KIF27: variants seen among roughly 807,000 people sequenced by gnomAD.
The protein encoded by KIF27 is kinesin-like protein KIF27.
Under a neutral mutation model 141.8 loss-of-function variants are expected in KIF27, and 84 were observed. The ratio of observed to expected loss-of-function variants is 0.59; its 90% CI spans 0.50 to 0.71. The LOEUF (loss-of-function observed/expected upper bound fraction) is 0.71. Among genes scored for constraint, KIF27 ranks in the 30% least tolerant of loss-of-function variants. The pLI, the probability that KIF27 is intolerant of heterozygous loss-of-function variation, is 0.00. For missense variants in KIF27, 1,306 were observed against 1,628.4 expected (o/e 0.80, Z 3.41); for synonymous variants, 471 against 569.5 (o/e 0.83, Z 2.46).
At chr9:83,882,737 C>T (rs1048852692) in intron 10 of KIF27, among the ~76,000 whole-genome samples, 1 of 152,126 alleles carries the variant, frequency 6.6e-6, no homozygotes, top group Non-Finnish European at 1.5e-5. Flanking sequence ...AAAGGATATA[C>T]AGCAGGAAGC....
At chr9:83,906,832 A>C (rs1954597634) in intron 3 of KIF27, among the ~76,000 whole-genome samples, 1 of 151,974 alleles carries the variant, frequency 6.6e-6, no homozygotes, top group Admixed American at 6.6e-5. Flanking sequence ...CCAACAATGG[A>C]ATATTAAATA....
intron 6 of KIF27, among the ~76,000 whole-genome samples, chr9:83,890,783 A>T (rs1264210733): frequency 6.6e-6 from 1 of 152,264 alleles, no homozygotes; most frequent in Admixed American, 6.5e-5. Flanking sequence ...CGTCTTTTCC[A>T]TAATAGAGAT....
intron 17 of KIF27, among the ~76,000 whole-genome samples, chr9:83,840,385 A>T (rs938397704): frequency 7.2e-5 from 11 of 152,146 alleles, no homozygotes; most frequent in African/African-American, 2.7e-4. Context: ...CCTTGGGTAA[A>T]CTGGTCAGAA....
chr9:83,908,422 G>A, intron 3 of KIF27, 30 bp downstream of exon 3: 1 of 1,377,588 alleles, frequency 7.3e-7, no homozygotes, highest in Non-Finnish European at 1.0e-6. Flanking sequence ...GTTTGCTAAT[G>A]AAGGCAACTG....
intron 13 of KIF27, among the ~76,000 whole-genome samples, chr9:83,861,173 C>CTTT (rs1326461333): frequency 2.9e-4 from 42 of 147,290 alleles, no homozygotes; most frequent in African/African-American, 1.0e-3. Context: ...CCTTGATGGG[C>CTTT]TATTTCTTTA....
intron 2 of KIF27, among the ~76,000 whole-genome samples, chr9:83,912,861 T>C (rs548850828): frequency 5.3e-4 from 80 of 152,192 alleles, no homozygotes; most frequent in South Asian, 1.5e-3. Flanking sequence ...ATAAGCATCA[T>C]ATTTAAAAAT....
chr9:83,836,692 T>C lies in KIF27; in HGVS notation c.*309A>G, dbSNP rs1381154555. On this transcript the variant is annotated 3_prime_UTR_variant, in exon 18 of 18. Transcript: ENST00000297814. The stretch of plus-strand genomic sequence containing the variant: ...ATATTATATAATAATACATACTTGA[T>C]AGATATTTTAGTCTATTACTAGTTT... The C allele has an allele frequency of 8.4e-6, 2 of 236,716 alleles. No individual in the cohort carries two copies. The highest frequency in any genetic ancestry group is 4.6e-5 in the African/African-American group (2 of 43,470). 14.7% of individuals were successfully genotyped at this position (236,716 alleles called of 1,614,324 possible).
At position 83,848,161 on chromosome 9, in the gene KIF27, TG is replaced by T. The variant is rs1947745763; in HGVS notation, c.3556+1937del. Among the ~76,000 whole-genome samples the T allele has an allele frequency of 4.8e-5, 2 of 41,994 alleles. 1 individual carries two copies. The highest frequency in any genetic ancestry group is 7.8e-5 in the Non-Finnish European group (2 of 25,696). The allele number at this position is 41,994 out of a possible 152,430, so 27.5% of individuals were successfully genotyped here. ...TATGATATATCTGATATATCATATA[TG>T]ATATATCTGATATATCATATATGAT... On this transcript the variant is annotated intron_variant, in intron 16 of 17. Coordinates refer to ENST00000297814, the MANE Select transcript of KIF27 (RefSeq NM_017576.4).
intron 17 of KIF27, 30 bp from the exon 18 acceptor site, chr9:83,837,515 G>A: frequency 1.9e-6 from 3 of 1,551,162 alleles, no homozygotes; most frequent in Non-Finnish European, 2.6e-6. Flanking sequence ...CAAAAAATTA[G>A]ATACTATTTC....
intron 9 of KIF27, among the ~76,000 whole-genome samples, chr9:83,885,532 C>G (rs1952024309): frequency 6.6e-6 from 1 of 152,144 alleles, no homozygotes; most frequent in Non-Finnish European, 1.5e-5. Context: ...AAAATACATA[C>G]AACTACTATA....
At chr9:83,855,920 G>A (rs899371803) in intron 14 of KIF27, among the ~76,000 whole-genome samples, 3 of 152,204 alleles carry the variant, frequency 2.0e-5, no homozygotes, top group Non-Finnish European at 2.9e-5. Flanking sequence ...AAGGTAGTGT[G>A]AATATAGAAA....
intron 10 of KIF27, among the ~76,000 whole-genome samples, chr9:83,881,584 A>G (rs544536889): frequency 1.1e-4 from 16 of 152,316 alleles, no homozygotes; most frequent in African/African-American, 3.8e-4. Context: ...TTCATGTGAG[A>G]CTTTTTTGAT....
At chr9:83,902,310 C>A (rs1179177815) in intron 4 of KIF27, among the ~76,000 whole-genome samples, 2 of 152,176 alleles carry the variant, frequency 1.3e-5, no homozygotes, top group Admixed American at 1.3e-4. Flanking sequence ...AAGCTGGGAA[C>A]CATGTTGTCT....
Position 83,837,382 on chromosome 9 carries a change from T to C in KIF27, c.3825A>G (p.Arg1275=). The change falls in exon 18 of 18, where the codon AGA becomes AGG. Residue 1275 remains arginine (R), a synonymous_variant. Coordinates refer to ENST00000297814, the MANE Select transcript of KIF27 (RefSeq NM_017576.4). The part of the protein sequence containing the change: ...SRPESMKLSG[R]EREMDSSASS... Reference sequence around the variant, plus strand: ...TTGCTGAACTGTCCATTTCTCTTTCTCTTCCACTTAATTTCATACTTTCAG... The same window carrying C: ...TTGCTGAACTGTCCATTTCTCTTTCCCTTCCACTTAATTTCATACTTTCAG... 2 of 1,610,114 alleles carry C rather than the reference T, an allele frequency of 1.2e-6. No individual in the cohort carries two copies. Among genetic ancestry groups the C allele is most frequent in the Non-Finnish European group, 1.7e-6 (2 of 1,177,026 alleles).
At chr9:83,912,878 A>G (rs1445523776) in intron 2 of KIF27, among the ~76,000 whole-genome samples, 2 of 152,150 alleles carry the variant, frequency 1.3e-5, no homozygotes, top group Non-Finnish European at 2.9e-5. Context: ...AAATAAAGCC[A>G]GGCGTGGTGG....
chr9:83,844,228 T>G (rs945041947), intron 16 of KIF27, among the ~76,000 whole-genome samples: 10 of 149,240 alleles, frequency 6.7e-5, no homozygotes, highest in African/African-American at 2.5e-4. Flanking sequence ...CTCTCCTTGC[T>G]CCTCAAGCTT....
chr9:83,837,271 G>T lies in KIF27; in HGVS notation c.3936C>A (p.Pro1312=), dbSNP rs1202797238. The change falls in exon 18 of 18, where the codon CCC becomes CCA. Residue 1312 remains proline, a synonymous_variant. Coordinates refer to ENST00000297814, the MANE Select transcript of KIF27 (RefSeq NM_017576.4). ...LPPIHSSLAP[P]SGHMLGNENK... Reference sequence around the variant, plus strand: ...TCTCATTACCTAACATATGCCCACTGGGGGGTGCTAAAGAACTATGAATTG... The same window carrying T: ...TCTCATTACCTAACATATGCCCACTTGGGGGTGCTAAAGAACTATGAATTG... The T allele has an allele frequency of 6.2e-7, 1 of 1,606,304 alleles. No individual in the cohort carries two copies. The highest frequency in any genetic ancestry group is 1.3e-5 in the African/African-American group (1 of 74,688).
chr9:83,897,664 A>G (rs558695335), intron 5 of KIF27, among the ~76,000 whole-genome samples: 97 of 152,328 alleles, frequency 6.4e-4, no homozygotes, highest in African/African-American at 2.2e-3. Context: ...ACTGAGAGTA[A>G]AAAGCAAGCC....
In KIF27 at chr9:83,903,890, T is replaced by C. The variant is rs144421081; in HGVS notation, c.628A>G (p.Ile210Val). The C allele has an allele frequency of 4.0e-5, 64 of 1,614,104 alleles. No individual in the cohort carries two copies. Among genetic ancestry groups the C allele is most frequent in the African/African-American group, 1.5e-4 (11 of 75,024 alleles). Residue 210 changes from isoleucine (I) to valine (V), a missense_variant, in exon 4 of 18, where the codon ATT becomes GTT. Coordinates refer to ENST00000297814, the MANE Select transcript of KIF27 (RefSeq NM_017576.4). ...MNEHSSRSHA[I>V]FTISICQVHK... Reference sequence around the variant, plus strand: ...ACTTGACAAATGCTGATTGTAAAAATTGCATGTGATCTGCTGGAGTGCTCA... The same window carrying C: ...ACTTGACAAATGCTGATTGTAAAAACTGCATGTGATCTGCTGGAGTGCTCA...
Sources: allele counts gnomAD v4.1 joint callset (sites outside exome capture counted in the v4.1 genomes callset), GRCh38; gene constraint gnomAD v4.1.1; transcripts MANE v1.5; gene names NCBI Gene and HGNC (gene_info 2026-07-23, HGNC 2026-07-21).